CSMD1: variants seen among roughly 807,000 people sequenced by gnomAD.
CSMD1 encodes the protein CUB and sushi domain-containing protein 1.
A neutral mutation model predicts 417.5 loss-of-function variants in CSMD1; 213 were observed. The ratio of observed to expected loss-of-function variants is 0.51; its 90% CI spans 0.46 to 0.57. CSMD1 has a LOEUF of 0.57. Among genes scored for constraint, CSMD1 ranks in the 20% least tolerant of loss-of-function variants. The pLI is 0.00. For missense variants in CSMD1, 6,923 were observed against 4,529.7 expected, an observed-to-expected ratio of 1.53 and a Z score of -15.17; for synonymous variants, 2,862 against 1,736.8, an observed-to-expected ratio of 1.65 and a Z score of -16.11.
chr8:4,029,155 G>T (rs906660898), intron 4 of CSMD1, among the ~76,000 whole-genome samples: 1 of 152,178 alleles, frequency 6.6e-6, no homozygotes. Context: ...AACAGGGCTA[G>T]AAGGACATAA....
intron 23 of CSMD1, among the ~76,000 whole-genome samples, 189 bp from the exon 24 acceptor site, chr8:3,308,692 T>TTGAAGTTCGGTCATCTTATTTG (rs1805085045): frequency 6.6e-6 from 1 of 151,202 alleles, no homozygotes. Context: ...TTGTGATTTC[T>TTGAAGTTCGGTCATCTTATTTG]TGAAGTTCGG....
intron 2 of CSMD1, among the ~76,000 whole-genome samples, chr8:4,557,219 G>T (rs970888875): frequency 2.0e-5 from 3 of 152,124 alleles, no homozygotes; most frequent in Non-Finnish European, 4.4e-5. Flanking sequence ...CCTGCTACCA[G>T]ACAGCTACCC....
At chr8:3,459,648 G>A (rs1190543253) in intron 12 of CSMD1, among the ~76,000 whole-genome samples, 1 of 152,086 alleles carries the variant, frequency 6.6e-6, no homozygotes, top group African/African-American at 2.4e-5. Context: ...GACGGTCCAG[G>A]GGAGGTGGAC....
At chr8:4,399,445 A>G (rs1047766328) in intron 3 of CSMD1, among the ~76,000 whole-genome samples, 5 of 152,224 alleles carry the variant, frequency 3.3e-5, no homozygotes, top group Non-Finnish European at 7.3e-5. Flanking sequence ...TGAGCCTTTC[A>G]AAGAATGGGT....
Position 4,318,187 on chromosome 8 carries a change from G to C in CSMD1, c.415+101766C>G, listed in dbSNP as rs961891832. Among the ~76,000 whole-genome samples, 5 of 152,092 alleles carry C rather than the reference G, an allele frequency of 3.3e-5. No homozygotes were observed. In the South Asian group the frequency reaches 6.2e-4, roughly 19 times the overall value. On this transcript the variant is annotated intron_variant, in intron 3 of 69. Coordinates refer to ENST00000635120, the MANE Select transcript of CSMD1 (RefSeq NM_033225.6). ...TAATATTGTTACTATCCTTCTATGG[G>C]TTTACATGTGAATGATAATTATTAC...
rs988505334 is a variant in CSMD1, at chr8:4,276,259, T to C, written c.415+143694A>G. Among the ~76,000 whole-genome samples, 11 of 152,100 alleles carry C rather than the reference T, an allele frequency of 7.2e-5. No homozygotes were observed. The East Asian group carries it at 2.1e-3, about 29-fold the overall frequency. ...ACGATAGACTGAATTTTAAAAAAAATGTGGCACATATACACCACGGAATAC... is the reference window on the plus strand; with the variant it reads ...ACGATAGACTGAATTTTAAAAAAAACGTGGCACATATACACCACGGAATAC... On this transcript the variant is annotated intron_variant, in intron 3 of 69. Coordinates refer to ENST00000635120, the MANE Select transcript of CSMD1 (RefSeq NM_033225.6).
At chr8:3,397,422 T>C (rs370959865) in intron 16 of CSMD1, among the ~76,000 whole-genome samples, 16 of 152,312 alleles carry the variant, frequency 1.1e-4, no homozygotes, top group African/African-American at 3.8e-4. Context: ...ATGGATACAC[T>C]GATTAGTGCA....
At chr8:4,052,997 G>T (rs1407978917) in intron 3 of CSMD1, among the ~76,000 whole-genome samples, 1 of 152,146 alleles carries the variant, frequency 6.6e-6, no homozygotes, top group South Asian at 2.1e-4. Flanking sequence ...CTCAGCTAAA[G>T]AAGTGGCCTT....
chr8:3,591,070 T>G (rs1483577822), intron 8 of CSMD1, among the ~76,000 whole-genome samples: 1 of 152,202 alleles, frequency 6.6e-6, no homozygotes, highest in Non-Finnish European at 1.5e-5. Context: ...GCAAGTTACT[T>G]TAGTCCGCCC....
At chr8:3,741,340 G>T (rs1796794118) in intron 6 of CSMD1, among the ~76,000 whole-genome samples, 1 of 151,064 alleles carries the variant, frequency 6.6e-6, no homozygotes, top group South Asian at 2.1e-4. Context: ...TCCCTTTCAA[G>T]AAGTTTGACA....
At chr8:3,905,295 A>T (rs562076036) in intron 5 of CSMD1, among the ~76,000 whole-genome samples, 3 of 152,218 alleles carry the variant, frequency 2.0e-5, no homozygotes, top group South Asian at 2.1e-4. Flanking sequence ...TCACTGAATA[A>T]CTTAAAGAAG....
At chr8:4,594,412 C>T (rs1387337814) in intron 2 of CSMD1, among the ~76,000 whole-genome samples, 2 of 151,860 alleles carry the variant, frequency 1.3e-5, no homozygotes, top group Admixed American at 6.6e-5. Flanking sequence ...GTTGGCCAGG[C>T]TGGTCTCAAA....
intron 1 of CSMD1, among the ~76,000 whole-genome samples, chr8:4,773,542 G>C (rs1435920703): frequency 6.6e-6 from 1 of 152,144 alleles, no homozygotes; most frequent in Non-Finnish European, 1.5e-5. Context: ...TCAGTTGAAA[G>C]AAAGTTACTT....
At chr8:4,591,839 G>T (rs537268681) in intron 2 of CSMD1, among the ~76,000 whole-genome samples, 3 of 152,154 alleles carry the variant, frequency 2.0e-5, no homozygotes, top group Admixed American at 6.5e-5. Context: ...GGGGGCCTCT[G>T]GAACAAGGCA....
intron 3 of CSMD1, among the ~76,000 whole-genome samples, chr8:4,268,605 T>G (rs1804371896): frequency 6.6e-6 from 1 of 152,106 alleles, no homozygotes; most frequent in Non-Finnish European, 1.5e-5. Context: ...TTTGCAAGAG[T>G]AGCTATGGGA....
intron 1 of CSMD1, among the ~76,000 whole-genome samples, chr8:4,837,642 G>T (rs1272342322): frequency 6.6e-6 from 1 of 151,912 alleles, no homozygotes; most frequent in Non-Finnish European, 1.5e-5. Flanking sequence ...GGGGAGGTAG[G>T]GATAGTTAAC....
chr8:4,918,669 T>C (rs1244659887), intron 1 of CSMD1, among the ~76,000 whole-genome samples: 1 of 152,232 alleles, frequency 6.6e-6, no homozygotes, highest in Non-Finnish European at 1.5e-5. Context: ...AATCTCACTA[T>C]TTCAGTGAAA....
At chr8:4,174,902 T>G (rs1190465485) in intron 3 of CSMD1, among the ~76,000 whole-genome samples, 1 of 150,878 alleles carries the variant, frequency 6.6e-6, no homozygotes, top group African/African-American at 2.5e-5. Flanking sequence ...AGCCACACTC[T>G]GACATCTTTG....
At chr8:3,690,077 G>C (rs755569727) in intron 7 of CSMD1, among the ~76,000 whole-genome samples, 3 of 152,228 alleles carry the variant, frequency 2.0e-5, no homozygotes, top group Non-Finnish European at 2.9e-5. Context: ...CATTGATCTA[G>C]GCTGCGCGTA....
Sources: allele counts gnomAD v4.1 joint callset (sites outside exome capture counted in the v4.1 genomes callset), GRCh38; gene constraint gnomAD v4.1.1; transcripts MANE v1.5; gene names NCBI Gene and HGNC (gene_info 2026-07-23, HGNC 2026-07-21).